Variants in PCDHA4 observed in about 807,000 individuals in gnomAD.
PCDHA4 encodes protocadherin alpha-4.
In PCDHA4, 49 loss-of-function variants were observed where a neutral mutation model predicts 61.4. The observed-to-expected ratio is 0.80, with a 90% CI of 0.63 to 1.01. The LOEUF is 1.01. PCDHA4 is among the 50% of genes least tolerant of loss of function. The pLI, the probability that PCDHA4 is intolerant of heterozygous loss-of-function variation, is 0.00. For synonymous variants in PCDHA4, 590 were observed against 550.3 expected, an observed-to-expected ratio of 1.07 and a Z score of -1.01; for missense variants, 1,254 against 1,235.8, an observed-to-expected ratio of 1.01 and a Z score of -0.22.
rs543390372 is a variant in PCDHA4 at position 140,900,669 on chromosome 5, A to G, written c.2386-78280A>G. 4.8e-4 allele frequency among the ~76,000 whole-genome samples: 73 copies of G among 152,334 alleles called. 1 individual carries two copies. The highest frequency in any genetic ancestry group is 1.5e-3 in the South Asian group (7 of 4,824). On this transcript the variant is annotated intron_variant, in intron 1 of 3. Transcript: ENST00000530339. ...CTGCTGCAATGAACAATGGGAGTGC[A>G]GTTATCTCTTCAATATACTGATTTC...
At chr5:140,884,603 T>A in intron 1 of PCDHA4, 4 of 1,614,132 alleles carry the variant, frequency 2.5e-6, no homozygotes, top group Non-Finnish European at 3.4e-6. Flanking sequence ...CCTTCCTCCT[T>A]GTCTGGGTTC....
intron 1 of PCDHA4, chr5:140,854,286 T>C: frequency 3.8e-6 from 2 of 522,000 alleles, no homozygotes; most frequent in Non-Finnish European, 4.9e-6. Context: ...AGTTTAGTTT[T>C]TATTATTTTG....
At chr5:140,984,471 A>G (rs2153834399) in intron 3 of PCDHA4, among the ~76,000 whole-genome samples, 1 of 152,300 alleles carries the variant, frequency 6.6e-6, no homozygotes, top group Middle Eastern at 3.4e-3. Context: ...CCCCTCTTGT[A>G]TAACCCATTT....
At position 140,887,505 on chromosome 5, in the gene PCDHA4, T is replaced by G. The variant is rs185975578; in HGVS notation, c.2385+77933T>G. On this transcript the variant is annotated intron_variant, in intron 1 of 3. Transcript: ENST00000530339. ...GGCTTGCATAGTTTCTAATAAGATG[T>G]TTGCTTTTTTATATATGAGTCTTCC... Among the ~76,000 whole-genome samples, 465 of 152,304 alleles carry G rather than the reference T, an allele frequency of 3.1e-3. 3 individuals carry two copies. The highest frequency in any genetic ancestry group is 0.014 in the Middle Eastern group (4 of 294).
At chr5:140,839,159 T>C (rs781039323) in intron 1 of PCDHA4, among the ~76,000 whole-genome samples, 1 of 96,652 alleles carries the variant, frequency 1.0e-5, no homozygotes, top group Admixed American at 9.7e-5. Flanking sequence ...GCTGCTCTTG[T>C]TGAAAGATAT....
intron 1 of PCDHA4, chr5:140,884,195 C>T: frequency 6.2e-7 from 1 of 1,613,394 alleles, no homozygotes; most frequent in Non-Finnish European, 8.5e-7. Flanking sequence ...GGTGGACGCG[C>T]CGCACCACCG....
intron 1 of PCDHA4, among the ~76,000 whole-genome samples, chr5:140,962,103 T>C (rs1401131367): frequency 1.3e-5 from 2 of 152,020 alleles, no homozygotes; most frequent in African/African-American, 4.8e-5. Flanking sequence ...GCCAGGATGG[T>C]CTCGATCTCC....
At chr5:140,923,104 A>AT (rs2081172107) in intron 1 of PCDHA4, among the ~76,000 whole-genome samples, 1 of 152,194 alleles carries the variant, frequency 6.6e-6, no homozygotes, top group Admixed American at 6.5e-5. Context: ...TGGGAGTATG[A>AT]TTTTAAGTTT....
chr5:140,856,311 G>C, intron 1 of PCDHA4: 1 of 1,598,566 alleles, frequency 6.3e-7, no homozygotes, highest in Non-Finnish European at 8.6e-7. Context: ...GTGAATTCTC[G>C]GATTGACCGC....
chr5:140,848,577 A>G (rs1178094933), intron 1 of PCDHA4: 1 of 1,595,244 alleles, frequency 6.3e-7, no homozygotes, highest in Non-Finnish European at 8.6e-7. Context: ...GGTGGTGGGG[A>G]GCGGCCAGCT....
chr5:140,908,756 C>A (rs2074138062), intron 1 of PCDHA4, among the ~76,000 whole-genome samples: 1 of 152,106 alleles, frequency 6.6e-6, no homozygotes, highest in Non-Finnish European at 1.5e-5. Flanking sequence ...TTGCACACAG[C>A]CTGGACGTGT....
rs2150202220 is a variant in PCDHA4, at chr5:140,844,684, A to G, written c.2385+35112A>G. 1.3e-5 allele frequency among the ~76,000 whole-genome samples: 2 copies of G among 149,834 alleles called. 1 individual carries two copies. Among genetic ancestry groups the G allele is most frequent in the East Asian group, 3.9e-4 (2 of 5,172 alleles). On this transcript the variant is annotated intron_variant, in intron 1 of 3. Coordinates refer to ENST00000530339, the MANE Select transcript of PCDHA4 (RefSeq NM_018907.4). ...AACATATAATTTATAAATCCTTATT[A>G]TACAGAATATTTGGGATTATCATGG...
At chr5:140,919,358 T>C (rs2153553560) in intron 1 of PCDHA4, among the ~76,000 whole-genome samples, 1 of 152,356 alleles carries the variant, frequency 6.6e-6, no homozygotes, top group East Asian at 1.9e-4. Flanking sequence ...AATCTAAAAG[T>C]GTCTCCTGCA....
intron 1 of PCDHA4, chr5:140,876,970 G>T (rs1554169165): frequency 6.2e-7 from 1 of 1,612,850 alleles, no homozygotes; most frequent in East Asian, 2.2e-5. Flanking sequence ...GCGGCGGGTG[G>T]GCGAGCACGC....
intron 1 of PCDHA4, chr5:140,812,207 C>T (rs2126636246): frequency 9.9e-5 from 15 of 151,788 alleles, no homozygotes; most frequent in African/African-American, 3.4e-4. Context: ...CTAGTTACAG[C>T]TTTGTTTAGA....
intron 3 of PCDHA4, among the ~76,000 whole-genome samples, chr5:141,003,397 C>T (rs370088269): frequency 2.0e-5 from 3 of 152,086 alleles, no homozygotes; most frequent in African/African-American, 4.8e-5. Flanking sequence ...CTGAAACCTC[C>T]GCCTCCCGGG....
chr5:140,823,018 G>C (rs1386534416), intron 1 of PCDHA4: 1 of 1,614,236 alleles, frequency 6.2e-7, no homozygotes, highest in Non-Finnish European at 8.5e-7. Context: ...CCTGGACCGC[G>C]AGAGCGTGTC....
intron 1 of PCDHA4, chr5:140,862,693 T>C (rs2047494827): frequency 1.8e-6 from 1 of 555,404 alleles, no homozygotes; most frequent in African/African-American, 1.9e-5. Flanking sequence ...GTCCTACTCG[T>C]TGATGGAACA....
chr5:140,925,640 G>GAA (rs1554202829), intron 1 of PCDHA4, among the ~76,000 whole-genome samples: 1 of 75,086 alleles, frequency 1.3e-5, no homozygotes, highest in Non-Finnish European at 2.8e-5. Context: ...AGAACTTAAA[G>GAA]TATAATAATA....
Sources: gnomAD v4.1 joint callset for allele counts (sites outside exome capture counted in the v4.1 genomes callset) on GRCh38, gnomAD v4.1.1 for gene constraint, MANE v1.5 for transcripts, NCBI Gene and HGNC (gene_info 2026-07-23, HGNC 2026-07-21) for gene names.